Variants in MARF1 observed in about 807,000 individuals in gnomAD.
MARF1 encodes limkain-b1.
Under a neutral mutation model 168.2 loss-of-function variants are expected in MARF1, and 24 were observed. That is an observed-to-expected ratio of 0.14 (90% CI 0.10 to 0.20). The LOEUF is 0.20. MARF1 is among the 10% of genes least tolerant of loss of function. The pLI is 1.00. For missense variants in MARF1, 1,744 were observed against 2,143.6 expected (o/e 0.81, Z 3.68); for synonymous variants, 868 against 822.4 (o/e 1.06, Z -0.95).
At position 15,635,963 on chromosome 16, in the gene MARF1, T is replaced by C. The variant is rs757282554; in HGVS notation, c.524A>G (p.Asp175Gly). 1.1e-5 allele frequency: 17 copies of C among 1,614,006 alleles called. No individual in the cohort carries two copies. Among genetic ancestry groups the C allele is most frequent in the Non-Finnish European group, 1.4e-5 (17 of 1,180,030 alleles). The part of the protein sequence containing the change: ...ARNNLAGIAS[D>G]FPSMCLESNL... ...ACTCTCTAGACACATGCTGGGAAAG[T>C]CACTTGCAATGCCTGCCAAATTGTT... The change falls in exon 3 of 27, where the codon GAC (aspartate) becomes GGC (glycine). Residue 175 changes from aspartate to glycine, a missense_variant. Asp to Gly is a moderately conservative substitution (Grantham distance 94). Transcript: ENST00000396368.
chr16:15,602,156 C>T lies in MARF1; in HGVS notation c.4461G>A (p.Leu1487=), dbSNP rs1378159612. The part of the protein sequence containing the change: ...KMEECVKLTS[L]YLFAKNVRSL... Reference sequence around the variant, plus strand: ...ACCGCACATTCTTTGCAAACAAATACAGACTTGTGAGCTTCACACATTCTT... The same window carrying T: ...ACCGCACATTCTTTGCAAACAAATATAGACTTGTGAGCTTCACACATTCTT... The change falls in exon 23 of 27, where the codon CTG becomes CTA. Residue 1487 remains leucine (L), a synonymous_variant. Transcript: ENST00000396368. 6.2e-7 allele frequency: 1 copy of T among 1,614,108 alleles called. No individual in the cohort carries two copies. Among genetic ancestry groups the T allele is most frequent in the African/African-American group, 1.3e-5 (1 of 74,922 alleles).
At chr16:15,612,430 A>C (rs1482068504) in intron 17 of MARF1, 127 bp downstream of exon 17, 1 of 799,312 alleles carries the variant, frequency 1.3e-6, no homozygotes, top group Admixed American at 2.1e-5. Flanking sequence ...CCTCTGAAGA[A>C]AGTTTTTAGT....
rs191355264 is a variant in MARF1 at position 15,595,615 on chromosome 16, T to C, written c.*1078A>G. 1.3e-5 allele frequency: 2 copies of C among 152,392 alleles called. No individual in the cohort carries two copies. Among genetic ancestry groups the C allele is most frequent in the Non-Finnish European group, 2.9e-5 (2 of 68,024 alleles). 9.4% of individuals were successfully genotyped at this position (152,392 alleles called of 1,614,324 possible). On this transcript the variant is annotated 3_prime_UTR_variant, in exon 27 of 27. Transcript: ENST00000396368. Reference sequence around the variant, plus strand: ...ACAGCGAGAAGTAACGAGAGTAAAATCAGACACGATTAAAAGATGCTGAGC... The same window carrying C: ...ACAGCGAGAAGTAACGAGAGTAAAACCAGACACGATTAAAAGATGCTGAGC...
intron 3 of MARF1, chr16:15,635,309 T>C: frequency 2.5e-6 from 1 of 398,514 alleles, no homozygotes; most frequent in Non-Finnish European, 4.5e-6. Flanking sequence ...TGCAGTTATC[T>C]ACCTTACATG....
intron 12 of MARF1, 66 bp from the exon 13 acceptor site, chr16:15,620,597 G>T: frequency 1.9e-6 from 2 of 1,066,578 alleles, no homozygotes; most frequent in Non-Finnish European, 2.7e-6. Flanking sequence ...TATAAACAGA[G>T]TTCATAAAAT....
At chr16:15,634,099 C>A (rs1259885757) in intron 4 of MARF1, among the ~76,000 whole-genome samples, 1 of 152,076 alleles carries the variant, frequency 6.6e-6, no homozygotes, top group African/African-American at 2.4e-5. Context: ...CACAATAAAT[C>A]CACCTCCAAG....
chr16:15,604,246 G>A lies in MARF1; in HGVS notation c.4335C>T (p.His1445=), dbSNP rs2032801313. 6.2e-7 allele frequency: 1 copy of A among 1,614,182 alleles called. No individual in the cohort carries two copies. Among genetic ancestry groups the A allele is most frequent in the Non-Finnish European group, 8.5e-7 (1 of 1,180,012 alleles). ...EELKRHYEST[H]NTPLNPCEYG... Reference sequence around the variant, plus strand: ...ATTCACAGGGGTTAAGGGGAGTGTTGTGGGTACTTTCGTAATGTCTCTTGA... The same window carrying A: ...ATTCACAGGGGTTAAGGGGAGTGTTATGGGTACTTTCGTAATGTCTCTTGA... The change falls in exon 22 of 27, where the codon CAC becomes CAT. Residue 1445 remains histidine (H), a synonymous_variant. Transcript: ENST00000396368.
chr16:15,638,035 G>A (rs1022502547), intron 2 of MARF1, among the ~76,000 whole-genome samples: 4 of 151,580 alleles, frequency 2.6e-5, no homozygotes, highest in African/African-American at 9.7e-5. Context: ...GCATAATGGC[G>A]AGTGCCTGTA....
chr16:15,630,569 A>C, intron 6 of MARF1, 65 bp from the exon 7 acceptor site: 1 of 1,415,436 alleles, frequency 7.1e-7, no homozygotes, highest in Admixed American at 2.2e-5. Flanking sequence ...AAGACAGACA[A>C]CTCTATTGAC....
intron 7 of MARF1, among the ~76,000 whole-genome samples, chr16:15,626,656 T>G (rs2034866087): frequency 6.6e-6 from 1 of 152,200 alleles, no homozygotes; most frequent in Non-Finnish European, 1.5e-5. Context: ...AGTTGAAATT[T>G]ATGTATTAAG....
rs373916783 is a variant in MARF1, at chr16:15,631,960, G to A, written c.1234-462C>T. ...TTTTATGGCTGCATAGTATTCCATC[G>A]TGTATTATGTGCCACATTTTCTTTA... On this transcript the variant is annotated intron_variant, in intron 5 of 26. Transcript: ENST00000396368. Among the ~76,000 whole-genome samples, 17 of 152,200 alleles carry A rather than the reference G, an allele frequency of 1.1e-4. No individual in the cohort carries two copies. In the East Asian group the frequency reaches 1.7e-3, roughly 16 times the overall value.
chr16:15,602,520 CGAA>C (rs1206642609), intron 22 of MARF1: 9 of 459,606 alleles, frequency 2.0e-5, no homozygotes, highest in East Asian at 5.1e-5. Context: ...ATGAAGAAGA[CGAA>C]GACGACGATA....
chr16:15,604,774 G>A (rs1161804537), intron 21 of MARF1, among the ~76,000 whole-genome samples: 3 of 152,174 alleles, frequency 2.0e-5, no homozygotes, highest in South Asian at 2.1e-4. Flanking sequence ...TGTGCTCGAA[G>A]GGGGGTAGGG....
chr16:15,601,383 T>A (rs1024656422), intron 23 of MARF1: 1 of 277,268 alleles, frequency 3.6e-6, no homozygotes, highest in African/African-American at 2.2e-5. Flanking sequence ...GGCTCTACCA[T>A]GGACAGCACC....
intron 2 of MARF1, among the ~76,000 whole-genome samples, chr16:15,638,249 A>G (rs2035725756): frequency 6.6e-6 from 1 of 152,130 alleles, no homozygotes; most frequent in African/African-American, 2.4e-5. Context: ...ACAATAGAAA[A>G]TAAGAAATAG....
intron 16 of MARF1, among the ~76,000 whole-genome samples, chr16:15,614,344 G>A (rs1404570672): frequency 1.3e-5 from 2 of 150,452 alleles, no homozygotes; most frequent in African/African-American, 2.4e-5. Context: ...ATAGCCGGGC[G>A]TGGTGGCAGG....
chr16:15,630,373 A>C lies in MARF1; in HGVS notation c.1483T>G (p.Phe495Val), dbSNP rs779528846. The C allele has an allele frequency of 6.2e-7, 1 of 1,606,056 alleles. No individual in the cohort carries two copies. ...HANELIRFEE[F>V]ISDLPPRLPL... ...AACCTGGGGGGCAAGTCGGAAATGAACTCTTCAAATCTGATCAGCTCGTTA... is the reference window on the plus strand; with the variant it reads ...AACCTGGGGGGCAAGTCGGAAATGACCTCTTCAAATCTGATCAGCTCGTTA... The change falls in exon 7 of 27, where the codon TTC (phenylalanine) becomes GTC (valine). Residue 495 changes from phenylalanine to valine, a missense_variant. This residue lies in a region of MARF1 where 217 missense variants were observed against 372.4 expected (regional missense o/e 0.58). Transcript: ENST00000396368.
At chr16:15,621,711 A>G (rs149263007) in intron 12 of MARF1, 22 bp downstream of exon 12, 9 of 1,597,512 alleles carry the variant, frequency 5.6e-6, no homozygotes, top group Non-Finnish European at 6.8e-6. Context: ...TTCCTGAAAT[A>G]AACAGCTTGC....
chr16:15,604,327 C>A lies in MARF1; in HGVS notation c.4254G>T (p.Gln1418His), dbSNP rs767088126. The change falls in exon 22 of 27, where the codon CAG becomes CAT. Residue 1418 changes from glutamine to histidine, a missense_variant. This residue lies in a region of MARF1 where 74 missense variants were observed against 66.7 expected (regional missense o/e 1.11). Transcript: ENST00000396368. Reference sequence around the variant, plus strand: ...CCCAAGACATCAACAATACCAGCAACTGGGCAGTGAGAGATCGCAGAGACT... The same window carrying A: ...CCCAAGACATCAACAATACCAGCAAATGGGCAGTGAGAGATCGCAGAGACT... ...NRKSLRSLTA[Q>H]LLVLLMSWEG... The A allele has an allele frequency of 3.1e-6, 5 of 1,614,154 alleles. No individual in the cohort carries two copies. Among genetic ancestry groups the A allele is most frequent in the Non-Finnish European group, 4.2e-6 (5 of 1,180,032 alleles).
Sources: gnomAD v4.1 joint callset for allele counts (sites outside exome capture counted in the v4.1 genomes callset) on GRCh38, gnomAD v4.1.1 for gene constraint, gnomAD v4.1.1 regional missense constraint, MANE v1.5 for transcripts, NCBI Gene and HGNC (gene_info 2026-07-23, HGNC 2026-07-21) for gene names.